The following SYNPO variants were observed in gnomAD, a reference collection of about 807,000 sequenced individuals.
SYNPO encodes the protein synaptopodin.
SYNPO carries 19 observed loss-of-function variants against 49.5 expected under a neutral mutation model. The observed-to-expected ratio is 0.38, with a 90% CI of 0.27 to 0.56. The LOEUF is 0.56. Among genes scored for constraint, SYNPO ranks in the 20% least tolerant of loss-of-function variants. SYNPO has a pLI of 0.68. For synonymous variants in SYNPO, 536 were observed against 548.0 expected (o/e 0.98, Z 0.31); for missense variants, 1,131 against 1,248.3 (o/e 0.91, Z 1.42).
rs1271048268 is a variant in SYNPO, at chr5:150,657,062, C to T, written c.2687C>T (p.Pro896Leu). ...CTTCGGCTCAAGCGTGGCAGCCTCCCCGCCGAGGCCTCCTGCACCACCTAG... is the reference window on the plus strand; with the variant it reads ...CTTCGGCTCAAGCGTGGCAGCCTCCTCGCCGAGGCCTCCTGCACCACCTAG... ...GSLRLKRGSL[P>L]AEASCTT is the part of the protein sequence containing the mutation. The change falls in exon 3 of 3, where the codon CCC becomes CTC. Residue 896 changes from proline (P) to leucine (L), a missense_variant. Transcript: ENST00000307662. 1.3e-6 allele frequency: 2 copies of T among 1,594,700 alleles called. No homozygotes were observed. The highest frequency in any genetic ancestry group is 2.3e-5 in the South Asian group (2 of 88,198).
In SYNPO at chr5:150,650,285, C is replaced by T. The variant is rs139882602; in HGVS notation, c.2010C>T (p.Asn670=). The change falls in exon 2 of 3, where the codon AAC becomes AAT. Residue 670 remains asparagine, a synonymous_variant. Transcript: ENST00000307662. The part of the protein sequence containing the change: ...QAPRPSFSTR[N]AGIEAQDRRE... The stretch of plus-strand genomic sequence containing the variant: ...CCAGGCCCTCCTTCTCTACCCGGAA[C>T]GCCGGGATCGAGGCTCAGGTGTGGA... 93 of 1,614,140 alleles carry T rather than the reference C, an allele frequency of 5.8e-5. No homozygotes were observed. The highest frequency in any genetic ancestry group is 3.3e-4 in the Middle Eastern group (2 of 6,062).
intron 1 of SYNPO, among the ~76,000 whole-genome samples, chr5:150,613,274 C>A (rs1756899384): frequency 1.3e-5 from 2 of 152,230 alleles, no homozygotes; most frequent in African/African-American, 4.8e-5. Flanking sequence ...GCTGCCCACC[C>A]CCCTACTTTG....
At chr5:150,591,939 G>T in the SYNPO span, among the ~76,000 whole-genome samples, 4 of 152,174 alleles carry the variant, frequency 2.6e-5, no homozygotes, top group Non-Finnish European at 4.4e-5. Context: ...GCCGAGGTGG[G>T]TGAATCACCT....
chr5:150,643,901 G>A (rs1356661713), intron 1 of SYNPO, among the ~76,000 whole-genome samples: 9 of 152,060 alleles, frequency 5.9e-5, no homozygotes, highest in Non-Finnish European at 1.0e-4. Context: ...ATGGCTGGAC[G>A]TGGTGGCTCA....
chr5:150,648,989 G>C lies in SYNPO; in HGVS notation c.714G>C (p.Arg238Ser). 6.2e-7 allele frequency: 1 copy of C among 1,614,262 alleles called. No individual in the cohort carries two copies. Among genetic ancestry groups the C allele is most frequent in the Middle Eastern group, 1.6e-4 (1 of 6,062 alleles). Reference sequence around the variant, plus strand: ...CCAAGCCCCCATCAGTGGTCAACAGGACGGCCAGGCCTTTTGGGATCCAGG... The same window carrying C: ...CCAAGCCCCCATCAGTGGTCAACAGCACGGCCAGGCCTTTTGGGATCCAGG... ...TLAKPPSVVN[R>S]TARPFGIQAP... Residue 238 changes from arginine to serine, a missense_variant, in exon 2 of 3, where the codon AGG becomes AGC. By Grantham distance (110) the Arg-to-Ser change is moderately radical. Transcript: ENST00000307662. This position sits in a 1 kb window ranked among gnomAD's most constrained non-coding sequence, Gnocchi z 5.0.
chr5:150,586,639 A>G, the SYNPO span, among the ~76,000 whole-genome samples: 1 of 151,626 alleles, frequency 6.6e-6, no homozygotes, highest in East Asian at 2.0e-4. Flanking sequence ...TTGGTTTGTT[A>G]TTATATATTC....
At position 150,650,128 on chromosome 5, in the gene SYNPO, G is replaced by C. The variant is rs1206874482; in HGVS notation, c.1853G>C (p.Arg618Pro). ...PPSPALPRPS[R>P]SSPGLYTSPG... ...TCTCCTGCCCTGCCTCGGCCCTCGC[G>C]CTCCTCACCGGGCCTCTACACCTCC... The change falls in exon 2 of 3, where the codon CGC becomes CCC. Residue 618 changes from arginine (R) to proline (P), a missense_variant. Physicochemically the swap from Arg to Pro is moderately radical, Grantham distance 103 (BLOSUM62 -2). Transcript: ENST00000307662. 4 of 1,612,774 alleles carry C rather than the reference G, an allele frequency of 2.5e-6. No homozygotes were observed. Among genetic ancestry groups the C allele is most frequent in the Non-Finnish European group, 3.4e-6 (4 of 1,179,678 alleles).
chr5:150,622,689 G>T (rs914037274), intron 2 of SYNPO, among the ~76,000 whole-genome samples: 1 of 152,194 alleles, frequency 6.6e-6, no homozygotes, highest in African/African-American at 2.4e-5. Flanking sequence ...GCTGACAGTG[G>T]TCACTGGGCC....
intron 2 of SYNPO, chr5:150,650,563 C>A: frequency 1.4e-6 from 2 of 1,459,430 alleles, no homozygotes; most frequent in Middle Eastern, 2.5e-4. Flanking sequence ...CATGTCTGAG[C>A]GGGGAGGAGG....
At chr5:150,618,212 C>T (rs1757034331) in exon 2 of SYNPO, 1 of 922,758 alleles carries the variant, frequency 1.1e-6, no homozygotes, top group African/African-American at 1.7e-5. Flanking sequence ...AGACCTCACC[C>T]CAATTCTGTG....
At chr5:150,600,256 C>A (rs751447272), upstream of SYNPO, among the ~76,000 whole-genome samples, 3 of 152,240 alleles carry the variant, frequency 2.0e-5, no homozygotes, top group Non-Finnish European at 2.9e-5. Flanking sequence ...TGGGGCCAGC[C>A]CCATTCCCAG....
In SYNPO at chr5:150,658,925, G is replaced by A. The variant is rs540507969; in HGVS notation, c.*1838G>A. 2.0e-5 allele frequency: 3 copies of A among 152,474 alleles called. No individual in the cohort carries two copies. The South Asian group carries it at 6.2e-4, about 32-fold the overall frequency. The allele number at this position is 152,474 out of a possible 1,614,324, so 9.4% of individuals were successfully genotyped here. A position where few individuals can be genotyped will look rare whatever the true frequency, so the allele number is the denominator to read the frequency against. On this transcript the variant is annotated 3_prime_UTR_variant, in exon 3 of 3. Coordinates refer to ENST00000307662, the MANE Select transcript of SYNPO (RefSeq NM_007286.6). ...GCCCCTACCTGCTGCTGGGTCCCTT[G>A]TAGCACAGGAGACTGGGGCTAAGGG...
In SYNPO at chr5:150,649,616, G is replaced by A; in HGVS notation, c.1341G>A (p.Glu447=). 1 of 1,609,154 alleles carries A rather than the reference G, an allele frequency of 6.2e-7. No homozygotes were observed. The highest frequency in any genetic ancestry group is 8.5e-7 in the Non-Finnish European group (1 of 1,179,462). Residue 447 remains glutamate (E), a synonymous_variant, in exon 2 of 3, where the codon GAG becomes GAA. Coordinates refer to ENST00000307662, the MANE Select transcript of SYNPO (RefSeq NM_007286.6). Reference sequence around the variant, plus strand: ...GGGCCAGCCCCGCGGCGGCGGAGGAGGTGGTACCAGAGTGGGCCTCCTGCC... The same window carrying A: ...GGGCCAGCCCCGCGGCGGCGGAGGAAGTGGTACCAGAGTGGGCCTCCTGCC... ...RDRASPAAAE[E]VVPEWASCLK...
chr5:150,634,074 TC>T (rs1314686473), intron 2 of SYNPO, among the ~76,000 whole-genome samples: 2 of 152,226 alleles, frequency 1.3e-5, no homozygotes, highest in Non-Finnish European at 2.9e-5. Context: ...TTTCTTGTGT[TC>T]ACTAACTTAC....
rs1337395171 is a variant in SYNPO at position 150,657,107 on chromosome 5, C to G, written c.*20C>G. The G allele has an allele frequency of 6.5e-7, 1 of 1,547,750 alleles. No individual in the cohort carries two copies. Among genetic ancestry groups the G allele is most frequent in the Non-Finnish European group, 8.7e-7 (1 of 1,142,948 alleles). ...ACCTAGAGCCCCACCCCCGACCCCA[C>G]CCCGGGAGGGCAGAGCCAGAAGAAG... On this transcript the variant is annotated 3_prime_UTR_variant, in exon 3 of 3. Transcript: ENST00000307662.
At position 150,644,775 on chromosome 5, in the gene SYNPO, G is replaced by A. The variant is rs117463873; in HGVS notation, c.-332-3169G>A. Among the ~76,000 whole-genome samples the A allele has an allele frequency of 2.0e-5, 3 of 152,350 alleles. No homozygotes were observed. In the East Asian group the frequency reaches 5.8e-4, roughly 29 times the overall value. On this transcript the variant is annotated intron_variant, in intron 1 of 2. Transcript: ENST00000307662. ...CTGAGCAACCTCTCAGAGCCCTCCA[G>A]TGTGGCTGGCACCCCATCCCTTAGG...
intron 2 of SYNPO, among the ~76,000 whole-genome samples, chr5:150,623,989 T>A (rs142763177): frequency 6.6e-6 from 1 of 152,168 alleles, no homozygotes; most frequent in Non-Finnish European, 1.5e-5. Flanking sequence ...TGCTGGAATG[T>A]GGGTATCTGG....
chr5:150,652,327 T>A, intron 2 of SYNPO: 1 of 991,696 alleles, frequency 1.0e-6, no homozygotes, highest in Non-Finnish European at 1.2e-6. Context: ...CTCAATACAC[T>A]CTGCCTCAAA....
rs1245128904 is a variant in SYNPO at position 150,648,972 on chromosome 5, C to T, written c.697C>T (p.Pro233Ser). ...GGTCCACTTCACACTGGCCAAGCCCCCATCAGTGGTCAACAGGACGGCCAG... is the reference window on the plus strand; with the variant it reads ...GGTCCACTTCACACTGGCCAAGCCCTCATCAGTGGTCAACAGGACGGCCAG... ...SEVHFTLAKP[P>S]SVVNRTARPF... The change falls in exon 2 of 3, where the codon CCA becomes TCA. Residue 233 changes from proline (P) to serine (S), a missense_variant. Pro to Ser is a moderately conservative substitution (Grantham distance 74, BLOSUM62 -1). This residue lies in a region of SYNPO where 602 missense variants were observed against 720.7 expected (regional missense o/e 0.84). Transcript: ENST00000307662. This position sits in a 1 kb window ranked among gnomAD's most constrained non-coding sequence, Gnocchi z 5.0. 4.3e-6 allele frequency: 7 copies of T among 1,614,242 alleles called. No homozygotes were observed. Among genetic ancestry groups the T allele is most frequent in the South Asian group, 1.1e-5 (1 of 91,086 alleles).
Sources: gnomAD v4.1 joint callset for allele counts (sites outside exome capture counted in the v4.1 genomes callset) on GRCh38, gnomAD v4.1.1 for gene constraint, gnomAD v4.1.1 regional missense constraint, Gnocchi (gnomAD v3.1) non-coding constraint, MANE v1.5 for transcripts, NCBI Gene and HGNC (gene_info 2026-07-23, HGNC 2026-07-21) for gene names.